The following DCDC2 variants were observed in gnomAD, a reference collection of about 807,000 sequenced individuals.
DCDC2 encodes doublecortin domain-containing protein 2.
DCDC2 carries 40 observed loss-of-function variants against 50.2 expected under a neutral mutation model. The observed-to-expected ratio is 0.80, with a 90% CI of 0.62 to 1.04. The LOEUF is 1.04. Ranked by LOEUF, DCDC2 falls within the 50% of genes least tolerant of loss-of-function variation. The pLI is 0.00. For missense variants in DCDC2, 570 were observed against 581.9 expected, an observed-to-expected ratio of 0.98 and a Z score of 0.21; for synonymous variants, 234 against 210.6, an observed-to-expected ratio of 1.11 and a Z score of -0.96.
the DCDC2 span, among the ~76,000 whole-genome samples, chr6:24,372,521 G>A: frequency 3.3e-3 from 495 of 152,182 alleles, 2 homozygotes; most frequent in Middle Eastern, 6.8e-3. Flanking sequence ...CAACCCAAAT[G>A]TCCAACAATG....
intron 7 of DCDC2, among the ~76,000 whole-genome samples, chr6:24,232,545 C>A (rs1255855347): frequency 6.6e-6 from 1 of 152,128 alleles, no homozygotes; most frequent in Non-Finnish European, 1.5e-5. Context: ...ATGGTTCAAC[C>A]CTTTCATTTT....
chr6:24,254,926 C>T (rs1331554493), intron 7 of DCDC2, among the ~76,000 whole-genome samples: 2 of 152,054 alleles, frequency 1.3e-5, no homozygotes, highest in Admixed American at 6.5e-5. Flanking sequence ...ATCATAATCC[C>T]AGCAAGTGTT....
chr6:24,209,756 C>G (rs544004857), intron 7 of DCDC2, among the ~76,000 whole-genome samples: 1 of 152,202 alleles, frequency 6.6e-6, no homozygotes, highest in South Asian at 2.1e-4. Context: ...AAAAGTAACT[C>G]TTCTCTAGGT....
At chr6:24,309,332 A>G (rs1759531686) in intron 2 of DCDC2, among the ~76,000 whole-genome samples, 1 of 152,156 alleles carries the variant, frequency 6.6e-6, no homozygotes, top group South Asian at 2.1e-4. Flanking sequence ...ATCTCAAAAA[A>G]AAAAAAAATT....
At chr6:24,178,799 A>T (rs1231929707) in intron 8 of DCDC2, among the ~76,000 whole-genome samples, 167 bp from the exon 9 acceptor site, 1 of 152,188 alleles carries the variant, frequency 6.6e-6, no homozygotes. Flanking sequence ...TACCTACCAC[A>T]TGCCACATGT....
At position 24,173,283 on chromosome 6, in the gene DCDC2, T is replaced by C. The variant is rs568716262; in HGVS notation, c.*1447A>G. 1.3e-5 allele frequency: 2 copies of C among 152,088 alleles called. No homozygotes were observed. Among genetic ancestry groups the C allele is most frequent in the Non-Finnish European group, 2.9e-5 (2 of 67,962 alleles). 9.4% of individuals were successfully genotyped at this position (152,088 alleles called of 1,614,324 possible). A position where few individuals can be genotyped will look rare whatever the true frequency, so the allele number is the denominator to read the frequency against. ...CAAAATCATATTAAGAAAAAACACATCTATTTTCTATAGTATTATTAAGTG... is the reference window on the plus strand; with the variant it reads ...CAAAATCATATTAAGAAAAAACACACCTATTTTCTATAGTATTATTAAGTG... On this transcript the variant is annotated 3_prime_UTR_variant, in exon 10 of 10. Coordinates refer to ENST00000378454, the MANE Select transcript of DCDC2 (RefSeq NM_016356.5).
At chr6:24,301,910 A>T in intron 3 of DCDC2, 58 bp downstream of exon 3, 1 of 1,612,250 alleles carries the variant, frequency 6.2e-7, no homozygotes, top group South Asian at 1.1e-5. Flanking sequence ...ACAAATTCCA[A>T]ACCAAAAGGA....
chr6:24,285,250 A>C (rs1199957424), intron 6 of DCDC2, among the ~76,000 whole-genome samples: 1 of 151,986 alleles, frequency 6.6e-6, no homozygotes, highest in Admixed American at 6.6e-5. Context: ...CTATCATTTT[A>C]TTTTTCTAAG....
chr6:24,229,998 T>C (rs1176615632), intron 7 of DCDC2, among the ~76,000 whole-genome samples: 1 of 152,128 alleles, frequency 6.6e-6, no homozygotes, highest in Non-Finnish European at 1.5e-5. Flanking sequence ...GACCACAAAA[T>C]GTCCAGAAAT....
chr6:24,184,162 T>A (rs1025436878), intron 8 of DCDC2, among the ~76,000 whole-genome samples: 1 of 152,210 alleles, frequency 6.6e-6, no homozygotes, highest in African/African-American at 2.4e-5. Flanking sequence ...AGTCCTAGTA[T>A]CTTTCCTTAA....
chr6:24,204,847 G>T (rs573462599), intron 8 of DCDC2, among the ~76,000 whole-genome samples, 155 bp downstream of exon 8: 36 of 97,520 alleles, frequency 3.7e-4, no homozygotes, highest in African/African-American at 2.0e-3. Context: ...GAGAAAGAAT[G>T]GTGTTTTGTT....
intron 7 of DCDC2, among the ~76,000 whole-genome samples, chr6:24,219,563 G>C (rs1290208311): frequency 6.6e-6 from 1 of 152,136 alleles, no homozygotes; most frequent in Non-Finnish European, 1.5e-5. Flanking sequence ...TGCAACTAGT[G>C]GGGTTATTTT....
chr6:24,368,981 A>G, the DCDC2 span, among the ~76,000 whole-genome samples: 5 of 152,092 alleles, frequency 3.3e-5, no homozygotes, highest in Non-Finnish European at 5.9e-5. Flanking sequence ...TAAAAATACA[A>G]AAATTAGCTG....
chr6:24,264,807 C>CA (rs1763083255), intron 7 of DCDC2, among the ~76,000 whole-genome samples: 1 of 151,224 alleles, frequency 6.6e-6, no homozygotes, highest in South Asian at 2.1e-4. Context: ...ACTCTACTAT[C>CA]AATAGACAAA....
intron 2 of DCDC2, among the ~76,000 whole-genome samples, chr6:24,304,558 T>C (rs1045637305): frequency 2.0e-5 from 3 of 152,084 alleles, no homozygotes; most frequent in African/African-American, 7.2e-5. Flanking sequence ...AAAGGGGGTG[T>C]ACAGTAAAAA....
At chr6:24,312,762 CT>C (rs1431223270) in intron 2 of DCDC2, among the ~76,000 whole-genome samples, 17 of 152,228 alleles carry the variant, frequency 1.1e-4, no homozygotes, top group African/African-American at 4.1e-4. Flanking sequence ...CATATTTTGC[CT>C]TTTGTACTGT....
chr6:24,358,979 C>T (rs866139853), upstream of DCDC2, among the ~76,000 whole-genome samples: 532 of 25,170 alleles, frequency 0.021, 9 homozygotes, highest in African/African-American at 0.1. Flanking sequence ...ATATTTTATA[C>T]ATTATATATT....
upstream of DCDC2, among the ~76,000 whole-genome samples, chr6:24,360,988 A>T (rs1298991593): frequency 6.6e-6 from 1 of 152,174 alleles, no homozygotes. Context: ...GTTCAAACCC[A>T]GTTCTGTCTT....
intron 2 of DCDC2, among the ~76,000 whole-genome samples, chr6:24,323,228 CT>C (rs779883826): frequency 5.3e-5 from 8 of 152,174 alleles, no homozygotes; most frequent in Non-Finnish European, 1.0e-4. Flanking sequence ...AAATAACTGA[CT>C]TTCAAAATTG....
Sources: gnomAD v4.1 joint callset for allele counts (sites outside exome capture counted in the v4.1 genomes callset) on GRCh38, gnomAD v4.1.1 for gene constraint, MANE v1.5 for transcripts, NCBI Gene and HGNC (gene_info 2026-07-23, HGNC 2026-07-21) for gene names.